PTPRT: variants seen among roughly 807,000 people sequenced by gnomAD.
PTPRT encodes protein tyrosine phosphatase receptor type T.
In PTPRT, 56 loss-of-function variants were observed where a neutral mutation model predicts 176.8. The observed-to-expected ratio is 0.32, with a 90% CI of 0.26 to 0.40. PTPRT has a LOEUF of 0.40. Ranked by LOEUF, PTPRT falls within the 10% of genes least tolerant of loss-of-function variation. The pLI, the probability that PTPRT is intolerant of heterozygous loss-of-function variation, is 1.00. For synonymous variants in PTPRT, 783 were observed against 739.0 expected (o/e 1.06, Z -0.96); for missense variants, 1,540 against 1,908.2 (o/e 0.81, Z 3.60).
chr20:43,154,041 C>T (rs1289677142), intron 1 of PTPRT, among the ~76,000 whole-genome samples: 1 of 152,162 alleles, frequency 6.6e-6, no homozygotes, highest in Non-Finnish European at 1.5e-5. Context: ...GAAGGAAACA[C>T]CCAAGTAGTA....
At chr20:43,154,614 T>G (rs2014463426) in intron 1 of PTPRT, among the ~76,000 whole-genome samples, 1 of 152,204 alleles carries the variant, frequency 6.6e-6, no homozygotes, top group Non-Finnish European at 1.5e-5. Flanking sequence ...TTGGGTAGTA[T>G]AAAACTACTA....
intron 1 of PTPRT, among the ~76,000 whole-genome samples, chr20:43,094,674 G>C (rs1245586292): frequency 6.6e-6 from 1 of 152,128 alleles, no homozygotes; most frequent in Non-Finnish European, 1.5e-5. Context: ...TGGGATTACA[G>C]GTGTGAGCCA....
chr20:42,791,744 T>A (rs2077379507), intron 2 of PTPRT, among the ~76,000 whole-genome samples: 1 of 152,260 alleles, frequency 6.6e-6, no homozygotes, highest in African/African-American at 2.4e-5. Context: ...TATTGCTATT[T>A]GCAGAAAACA....
intron 9 of PTPRT, among the ~76,000 whole-genome samples, chr20:42,385,529 T>C (rs1316546036): frequency 2.6e-5 from 4 of 152,238 alleles, no homozygotes; most frequent in African/African-American, 9.6e-5. Flanking sequence ...GGAGATCTGA[T>C]ATACAAGGCT....
intron 9 of PTPRT, among the ~76,000 whole-genome samples, chr20:42,410,523 A>C (rs990820281): frequency 6.6e-6 from 1 of 152,120 alleles, no homozygotes; most frequent in Non-Finnish European, 1.5e-5. Flanking sequence ...GAACAAGTAG[A>C]GGGAAAATTA....
chr20:42,104,761 A>C (rs753917280), intron 24 of PTPRT, 43 bp from the exon 25 acceptor site: 1 of 1,518,902 alleles, frequency 6.6e-7, no homozygotes, highest in Non-Finnish European at 9.1e-7. Context: ...AGGTAAGAAC[A>C]GTGGCCTGGG....
intron 6 of PTPRT, among the ~76,000 whole-genome samples, chr20:42,707,906 C>T (rs1237911726): frequency 6.6e-6 from 1 of 152,208 alleles, no homozygotes; most frequent in East Asian, 1.9e-4. Context: ...TCCAACCATG[C>T]TATGCCCAGG....
intron 27 of PTPRT, among the ~76,000 whole-genome samples, chr20:42,092,786 C>A (rs762301613): frequency 6.6e-6 from 1 of 152,192 alleles, no homozygotes; most frequent in Non-Finnish European, 1.5e-5. Flanking sequence ...TGAAATAGCA[C>A]CCTGCTTTTC....
chr20:42,103,843 T>G (rs149389374), intron 25 of PTPRT, among the ~76,000 whole-genome samples: 1 of 152,230 alleles, frequency 6.6e-6, no homozygotes, highest in Non-Finnish European at 1.5e-5. Flanking sequence ...AAAAAACATA[T>G]TCACAGTTAA....
At chr20:42,136,136 C>A (rs1015716715) in intron 18 of PTPRT, among the ~76,000 whole-genome samples, 3 of 151,482 alleles carry the variant, frequency 2.0e-5, no homozygotes, top group Non-Finnish European at 4.4e-5. Flanking sequence ...AAGAGAGAAT[C>A]ACTTCAAAGA....
At chr20:42,690,591 A>G (rs754512713) in intron 6 of PTPRT, among the ~76,000 whole-genome samples, 1 of 152,210 alleles carries the variant, frequency 6.6e-6, no homozygotes, top group Admixed American at 6.5e-5. Flanking sequence ...CGCAGCCCAC[A>G]TAAGTGGAAG....
intron 9 of PTPRT, among the ~76,000 whole-genome samples, chr20:42,408,650 T>A (rs187921158): frequency 6.6e-6 from 1 of 152,016 alleles, no homozygotes; most frequent in Non-Finnish European, 1.5e-5. Context: ...TGGCTATACA[T>A]GGGTGAACAG....
At chr20:42,481,861 C>T (rs1404588095) in intron 7 of PTPRT, among the ~76,000 whole-genome samples, 2 of 151,770 alleles carry the variant, frequency 1.3e-5, no homozygotes, top group African/African-American at 4.8e-5. Context: ...ATATCAAAAG[C>T]ATGTGGTGTA....
chr20:43,120,975 A>G (rs567262169), intron 1 of PTPRT, among the ~76,000 whole-genome samples: 15 of 152,314 alleles, frequency 9.8e-5, no homozygotes, highest in Non-Finnish European at 1.5e-4. Flanking sequence ...TGCTACCAAC[A>G]TCGCAGAAGC....
rs79298232 is a variant in PTPRT at position 42,439,079 on chromosome 20, C to T, written c.1560+9141G>A. Among the ~76,000 whole-genome samples the T allele has an allele frequency of 5.1e-3, 777 of 152,244 alleles. 3 individuals carry two copies. The highest frequency in any genetic ancestry group is 0.017 in the African/African-American group (717 of 41,540). On this transcript the variant is annotated intron_variant, in intron 9 of 30. Transcript: ENST00000373187. ...ACACCTGTCAGCTTCCCTGTCAGCC[C>T]GAATGACCTGTATATGGCATCTAAC...
chr20:43,088,357 T>C (rs1460017223), intron 1 of PTPRT, among the ~76,000 whole-genome samples: 1 of 150,452 alleles, frequency 6.6e-6, no homozygotes, highest in Non-Finnish European at 1.5e-5. Flanking sequence ...TGTGTGTGTG[T>C]GTGTGTGTGT....
At chr20:42,447,405 A>T (rs752158692) in intron 9 of PTPRT, among the ~76,000 whole-genome samples, 6 of 152,062 alleles carry the variant, frequency 3.9e-5, no homozygotes, top group Middle Eastern at 3.2e-3. Context: ...ACATCATTCC[A>T]GCTTCGGTAT....
chr20:42,779,366 G>A (rs547009019), intron 4 of PTPRT, among the ~76,000 whole-genome samples: 3 of 152,276 alleles, frequency 2.0e-5, no homozygotes, highest in Non-Finnish European at 4.4e-5. Flanking sequence ...CCCACAGGGG[G>A]TTACCTAGAA....
At chr20:42,652,886 A>AG (rs1286805989) in intron 7 of PTPRT, among the ~76,000 whole-genome samples, 1 of 152,164 alleles carries the variant, frequency 6.6e-6, no homozygotes, top group East Asian at 1.9e-4. Flanking sequence ...CAAATTTCCC[A>AG]GCATTCTCTT....
Sources: allele counts gnomAD v4.1 joint callset (sites outside exome capture counted in the v4.1 genomes callset), GRCh38; gene constraint gnomAD v4.1.1; transcripts MANE v1.5; gene names NCBI Gene and HGNC (gene_info 2026-07-23, HGNC 2026-07-21).